PRPF8: variants seen among roughly 807,000 people sequenced by gnomAD.
PRPF8 encodes pre-mRNA-processing-splicing factor 8.
In PRPF8, 64 loss-of-function variants were observed where a neutral mutation model predicts 285.9. The observed-to-expected ratio is 0.22, with a 90% CI of 0.18 to 0.28. The LOEUF is 0.28. Ranked by LOEUF, PRPF8 falls within the 10% of genes least tolerant of loss-of-function variation. The pLI is 1.00. For missense variants in PRPF8, 1,426 were observed against 3,026.7 expected (o/e 0.47, Z 12.41); for synonymous variants, 1,325 against 1,118.2 (o/e 1.18, Z -3.69).
rs1911645989 is a variant in PRPF8 at position 1,660,867 on chromosome 17, T to C, written c.4509-40A>G. On this transcript the variant is annotated intron_variant, in intron 28 of 42. Coordinates refer to ENST00000304992, the MANE Select transcript of PRPF8 (RefSeq NM_006445.4). ...AAGCAGGTGAGGTGATATCCTGCCATTTCCCAGCACACTGCTAACCTCCTG... is the reference window on the plus strand; with the variant it reads ...AAGCAGGTGAGGTGATATCCTGCCACTTCCCAGCACACTGCTAACCTCCTG... 3 of 1,613,138 alleles carry C rather than the reference T, an allele frequency of 1.9e-6. 1 individual carries two copies. The East Asian group carries it at 6.7e-5, about 36-fold the overall frequency.
intron 2 of PRPF8, 150 bp from the exon 3 acceptor site, chr17:1,683,851 C>T (rs1490460599): frequency 1.1e-6 from 1 of 908,340 alleles, no homozygotes; most frequent in Non-Finnish European, 1.7e-6. Context: ...TACCATTTTA[C>T]TCTGTTTTTC....
At chr17:1,657,316 A>G (rs994247635) in intron 34 of PRPF8, among the ~76,000 whole-genome samples, 1 of 152,160 alleles carries the variant, frequency 6.6e-6, no homozygotes, top group Non-Finnish European at 1.5e-5. Context: ...GTTGTGAGGT[A>G]GAGAAGAGAT....
At position 1,675,472 on chromosome 17, in the gene PRPF8, G is replaced by C; in HGVS notation, c.2873-133C>G. The C allele has an allele frequency of 2.1e-6, 3 of 1,443,192 alleles. No individual in the cohort carries two copies. Among genetic ancestry groups the C allele is most frequent in the South Asian group, 2.3e-5 (2 of 87,540 alleles). 89.4% of individuals were successfully genotyped at this position (1,443,192 alleles called of 1,614,324 possible). A position where few individuals can be genotyped will look rare whatever the true frequency, so the allele number is the denominator to read the frequency against. ...TATTCATTTGGATTGCTTTGACTAT[G>C]GGCTTTTCCTCAGTTTAACACGAAC... On this transcript the variant is annotated intron_variant, in intron 19 of 42. Coordinates refer to ENST00000304992, the MANE Select transcript of PRPF8 (RefSeq NM_006445.4). The surrounding 1 kb of genome is among the most constrained non-coding windows in gnomAD (Gnocchi z 6.0).
chr17:1,653,031 C>T lies in PRPF8; in HGVS notation c.6369+511G>A, dbSNP rs988116060. ...TCACTGCAAGCTCCACCTCACCTCC[C>T]GGGTTCAAGCAATTCTCCTGTCTCA... On this transcript the variant is annotated intron_variant, in intron 39 of 42. Coordinates refer to ENST00000304992, the MANE Select transcript of PRPF8 (RefSeq NM_006445.4). The surrounding 1 kb of genome is among the most constrained non-coding windows in gnomAD (Gnocchi z 4.9). The T allele has an allele frequency of 1.4e-4, 31 of 228,634 alleles. No individual in the cohort carries two copies. The highest frequency in any genetic ancestry group is 2.7e-4 in the Non-Finnish European group (30 of 113,036). 14.2% of individuals were successfully genotyped at this position (228,634 alleles called of 1,614,324 possible). A position where few individuals can be genotyped will look rare whatever the true frequency, so the allele number is the denominator to read the frequency against.
chr17:1,659,019 TTTA>T lies in PRPF8; in HGVS notation c.5139-259_5139-257del, dbSNP rs991350840. On this transcript the variant is annotated intron_variant, in intron 32 of 42. Transcript: ENST00000304992. The surrounding 1 kb of genome is among the most constrained non-coding windows in gnomAD (Gnocchi z 5.1). The stretch of plus-strand genomic sequence containing the variant: ...GGAAAATACACGGATTATTTATTTA[TTTA>T]TTATTATTATTATTTTTCTTTGAGA... 65 of 513,812 alleles carry T rather than the reference TTTA, an allele frequency of 1.3e-4. No homozygotes were observed. The highest frequency in any genetic ancestry group is 5.1e-4 in the Middle Eastern group (1 of 1,956). The allele number at this position is 513,812 out of a possible 1,614,324, so 31.8% of individuals were successfully genotyped here. A position where few individuals can be genotyped will look rare whatever the true frequency, so the allele number is the denominator to read the frequency against.
intron 24 of PRPF8, 98 bp downstream of exon 24, chr17:1,672,983 G>C: frequency 8.9e-7 from 1 of 1,119,368 alleles, no homozygotes; most frequent in Non-Finnish European, 1.4e-6. Flanking sequence ...AAGCAAAGAA[G>C]AGAAGGAAGC....
chr17:1,652,292 G>T lies in PRPF8; in HGVS notation c.6370-504C>A, dbSNP rs145053069. 389 of 273,666 alleles carry T rather than the reference G, an allele frequency of 1.4e-3. 3 individuals carry two copies. Among genetic ancestry groups the T allele is most frequent in the African/African-American group, 8.2e-3 (372 of 45,276 alleles). 17.0% of individuals were successfully genotyped at this position (273,666 alleles called of 1,614,324 possible). On this transcript the variant is annotated intron_variant, in intron 39 of 42. Coordinates refer to ENST00000304992, the MANE Select transcript of PRPF8 (RefSeq NM_006445.4). ...CTCACTCTGTCAGCAAGGCTGGAGT[G>T]CAGTGGTGTGATCTCAGCTCACTGC...
rs940076065 is a variant in PRPF8, at chr17:1,660,454, C to T, written c.4763G>A (p.Ser1588Asn). The T allele has an allele frequency of 6.2e-7, 1 of 1,614,128 alleles. No homozygotes were observed. Among genetic ancestry groups the T allele is most frequent in the African/African-American group, 1.3e-5 (1 of 74,946 alleles). Residue 1588 changes from serine to asparagine, a missense_variant, in exon 30 of 43, where the codon AGC becomes AAC. Ser to Asn is a conservative substitution (Grantham distance 46, BLOSUM62 1). Around this residue, in one of 34 missense-constraint regions of PRPF8, gnomAD observed 15 missense variants for 63.7 expected, o/e 0.24. Coordinates refer to ENST00000304992, the MANE Select transcript of PRPF8 (RefSeq NM_006445.4). ...RAHLWQKIHE[S>N]IVMDLCQVFD... ...CACCTGACATAAGTCCATAACAATG[C>T]TCTCATGGATCTTCTGCCACAAGTG... is the stretch of plus-strand genomic sequence containing the variant.
intron 14 of PRPF8, 88 bp from the exon 15 acceptor site, chr17:1,677,260 G>GTTGTTAATACCTAATT: frequency 1.5e-6 from 2 of 1,321,902 alleles, no homozygotes; most frequent in Non-Finnish European, 2.2e-6. Flanking sequence ...ACTCATTATG[G>GTTGTTAATACCTAATT]TTATTAATAA....
Position 1,676,176 on chromosome 17 carries a change from C to CCAG in PRPF8, c.2552+28_2552+30dup. 6.2e-7 allele frequency: 1 copy of CCAG among 1,612,766 alleles called. No individual in the cohort carries two copies. Among genetic ancestry groups the CCAG allele is most frequent in the Non-Finnish European group, 8.5e-7 (1 of 1,179,946 alleles). ...GACGCCATTCCCTGCTGTCACCTTC[C>CCAG]CAGCAGGAACCTATCTACCCTACTA... On this transcript the variant is annotated intron_variant, in intron 17 of 42. Transcript: ENST00000304992. The surrounding 1 kb of genome is among the most constrained non-coding windows in gnomAD (Gnocchi z 6.3).
chr17:1,660,305 T>C (rs878990697), intron 30 of PRPF8, 127 bp downstream of exon 30: 1 of 1,512,912 alleles, frequency 6.6e-7, no homozygotes, highest in African/African-American at 1.4e-5. Context: ...CGATTCCACC[T>C]GAGCTGACTC....
chr17:1,662,631 G>C (rs1001303873), intron 24 of PRPF8, among the ~76,000 whole-genome samples: 2 of 149,984 alleles, frequency 1.3e-5, no homozygotes, highest in African/African-American at 4.9e-5. Context: ...GCCAGGTGTG[G>C]TGGCTCACGC....
intron 13 of PRPF8, 183 bp downstream of exon 13, chr17:1,678,335 T>A (rs566013974): frequency 3.2e-5 from 21 of 660,464 alleles, no homozygotes; most frequent in Middle Eastern, 4.1e-4. Flanking sequence ...AAAAAAAAAA[T>A]TGCCAGGCGT....
At chr17:1,665,856 AAAAAG>A (rs1911946500) in intron 24 of PRPF8, among the ~76,000 whole-genome samples, 1 of 150,146 alleles carries the variant, frequency 6.7e-6, no homozygotes, top group Non-Finnish European at 1.5e-5. Flanking sequence ...AAAAAAAAAA[AAAAAG>A]AAAAAGAGAA....
At position 1,659,202 on chromosome 17, in the gene PRPF8, T is replaced by C. The variant is rs1202785151; in HGVS notation, c.5138+155A>G. The C allele has an allele frequency of 1.2e-6, 1 of 849,738 alleles. No individual in the cohort carries two copies. The highest frequency in any genetic ancestry group is 2.1e-5 in the Admixed American group (1 of 48,102). 52.6% of individuals were successfully genotyped at this position (849,738 alleles called of 1,614,324 possible). A position where few individuals can be genotyped will look rare whatever the true frequency, so the allele number is the denominator to read the frequency against. Reference sequence around the variant, plus strand: ...CACCACGCCCAGCTAATTTTTTGTATTTTGGTAGAGACAGGGTTTCACCAT... The same window carrying C: ...CACCACGCCCAGCTAATTTTTTGTACTTTGGTAGAGACAGGGTTTCACCAT... On this transcript the variant is annotated intron_variant, in intron 32 of 42. Coordinates refer to ENST00000304992, the MANE Select transcript of PRPF8 (RefSeq NM_006445.4). This position sits in a 1 kb window ranked among gnomAD's most constrained non-coding sequence, Gnocchi z 5.1.
In PRPF8 at chr17:1,651,055, G is replaced by A. The variant is rs1276519256; in HGVS notation, c.6853+53C>T. The A allele has an allele frequency of 6.8e-6, 11 of 1,613,616 alleles. No homozygotes were observed. In the East Asian group the frequency reaches 8.9e-5, roughly 13 times the overall value. On this transcript the variant is annotated intron_variant, in intron 42 of 42. Transcript: ENST00000304992. The surrounding 1 kb of genome is among the most constrained non-coding windows in gnomAD (Gnocchi z 5.1). ...CAGGCCCCAAGTGCAAAGGGCGATG[G>A]CCTCACCTTATCCCTACTGCTATCC...
intron 24 of PRPF8, among the ~76,000 whole-genome samples, chr17:1,662,836 A>C (rs1911742833): frequency 6.7e-6 from 1 of 150,046 alleles, no homozygotes; most frequent in African/African-American, 2.5e-5. Flanking sequence ...GTCTCAAAAA[A>C]AAAAAAAAGA....
At chr17:1,674,170 C>A (rs1486048254) in intron 21 of PRPF8, among the ~76,000 whole-genome samples, 1 of 152,138 alleles carries the variant, frequency 6.6e-6, no homozygotes, top group Non-Finnish European at 1.5e-5. Flanking sequence ...CTACAGGCAC[C>A]CGCCACCACG....
chr17:1,650,702 C>T lies in PRPF8; in HGVS notation c.*100G>A. The T allele has an allele frequency of 7.1e-7, 1 of 1,409,266 alleles. No individual in the cohort carries two copies. Among genetic ancestry groups the T allele is most frequent in the South Asian group, 1.2e-5 (1 of 86,754 alleles). 87.3% of individuals were successfully genotyped at this position (1,409,266 alleles called of 1,614,324 possible). A position where few individuals can be genotyped will look rare whatever the true frequency, so the allele number is the denominator to read the frequency against. On this transcript the variant is annotated 3_prime_UTR_variant, in exon 43 of 43. Transcript: ENST00000304992. ...CATCAGGAGGTCAACAACACAAGCA[C>T]AGACAGAGGGAAAGAGGCCAAACTG...
Sources: allele counts gnomAD v4.1 joint callset (sites outside exome capture counted in the v4.1 genomes callset), GRCh38; gene constraint gnomAD v4.1.1; regional missense constraint gnomAD v4.1.1; non-coding constraint Gnocchi (gnomAD v3.1); transcripts MANE v1.5; gene names NCBI Gene and HGNC (gene_info 2026-07-23, HGNC 2026-07-21).